DNAJC3: variants seen among roughly 807,000 people sequenced by gnomAD.
DNAJC3 encodes the protein DnaJ heat shock protein family (Hsp40) member C3, also known as dnaJ homolog subfamily C member 3.
In DNAJC3, 38 loss-of-function variants were observed where a neutral mutation model predicts 68.6. That is an observed-to-expected ratio of 0.55 (90% CI 0.43 to 0.73). DNAJC3 has a LOEUF of 0.73. Among genes scored for constraint, DNAJC3 ranks in the 30% least tolerant of loss-of-function variants. DNAJC3 has a pLI of 0.00. For missense variants in DNAJC3, 526 were observed against 591.9 expected (o/e 0.89, Z 1.16); for synonymous variants, 203 against 204.0 (o/e 1.00, Z 0.04).
intron 9 of DNAJC3, among the ~76,000 whole-genome samples, chr13:95,769,019 AT>A (rs748791987): frequency 7.0e-6 from 1 of 143,242 alleles, no homozygotes; most frequent in East Asian, 1.9e-4. Flanking sequence ...ATCTATATCT[AT>A]ATCTATATCT....
intron 6 of DNAJC3, 29 bp downstream of exon 6, chr13:95,760,250 C>A: frequency 6.8e-7 from 1 of 1,466,914 alleles, no homozygotes; most frequent in South Asian, 1.6e-5. Context: ...CATGTCTGAT[C>A]TTTTTTAATT....
At chr13:95,748,586 T>C (rs1439547523) in intron 4 of DNAJC3, among the ~76,000 whole-genome samples, 1 of 152,068 alleles carries the variant, frequency 6.6e-6, no homozygotes, top group Non-Finnish European at 1.5e-5. Context: ...GAGGTCAAGG[T>C]GGGCAGATCA....
At chr13:95,744,105 T>C (rs1041678510) in intron 4 of DNAJC3, among the ~76,000 whole-genome samples, 3 of 152,232 alleles carry the variant, frequency 2.0e-5, no homozygotes, top group African/African-American at 7.2e-5. Context: ...ATAGTAGGGA[T>C]GTCTCCATTT....
At chr13:95,694,587 A>G (rs993337195) in intron 1 of DNAJC3, 2 of 152,576 alleles carry the variant, frequency 1.3e-5, no homozygotes, top group Admixed American at 6.5e-5. Flanking sequence ...TATACATAAA[A>G]TACACCCACT....
intron 4 of DNAJC3, among the ~76,000 whole-genome samples, chr13:95,751,146 G>T (rs772099929): frequency 1.3e-5 from 2 of 152,130 alleles, no homozygotes; most frequent in Non-Finnish European, 2.9e-5. Context: ...GAGGCAGGAG[G>T]ATCACTTGAA....
intron 11 of DNAJC3, among the ~76,000 whole-genome samples, chr13:95,787,834 G>C (rs2289812): frequency 0.056 from 8,454 of 152,124 alleles, 353 homozygotes; most frequent in East Asian, 0.19. Flanking sequence ...CAGTAATATG[G>C]CCTGGAAATT....
chr13:95,755,772 A>T (rs1882639040), intron 4 of DNAJC3, among the ~76,000 whole-genome samples: 1 of 149,720 alleles, frequency 6.7e-6, no homozygotes. Flanking sequence ...AAAAAAAAAA[A>T]AAAAAAAAAA....
intron 4 of DNAJC3, among the ~76,000 whole-genome samples, chr13:95,743,644 G>GC (rs1882215911): frequency 6.6e-6 from 1 of 152,052 alleles, no homozygotes; most frequent in African/African-American, 2.4e-5. Flanking sequence ...TGCAACCTCT[G>GC]CCTCCTGGGT....
At chr13:95,729,736 T>G (rs531968008) in intron 4 of DNAJC3, among the ~76,000 whole-genome samples, 1 of 152,268 alleles carries the variant, frequency 6.6e-6, no homozygotes, top group South Asian at 2.1e-4. Flanking sequence ...TTGTTTTGAT[T>G]TGCATTTCCC....
At chr13:95,712,866 A>G (rs1881018257) in intron 2 of DNAJC3, among the ~76,000 whole-genome samples, 1 of 152,122 alleles carries the variant, frequency 6.6e-6, no homozygotes, top group African/African-American at 2.4e-5. Flanking sequence ...ACGGGGGAAA[A>G]TACAGTTTTA....
rs1485218979 is a variant in DNAJC3 at position 95,723,432 on chromosome 13, A to C, written c.318+66A>C. ...AACTTGGGGAGAGATAATTTGTTTCATAAGGTGAGGACTGGCATGCTAGAC... is the reference window on the plus strand; with the variant it reads ...AACTTGGGGAGAGATAATTTGTTTCCTAAGGTGAGGACTGGCATGCTAGAC... On this transcript the variant is annotated intron_variant, in intron 3 of 11. Coordinates refer to ENST00000602402, the MANE Select transcript of DNAJC3 (RefSeq NM_006260.5). 7 of 1,554,056 alleles carry C rather than the reference A, an allele frequency of 4.5e-6. No homozygotes were observed. In the African/African-American group the frequency reaches 9.5e-5, roughly 21 times the overall value.
intron 4 of DNAJC3, among the ~76,000 whole-genome samples, chr13:95,733,118 G>T (rs1399913057): frequency 2.0e-5 from 3 of 152,040 alleles, no homozygotes; most frequent in Admixed American, 2.0e-4. Context: ...CTGTTTTAGG[G>T]TAACATGTTC....
chr13:95,725,076 A>T (rs1881461639), intron 3 of DNAJC3, 102 bp from the exon 4 acceptor site: 1 of 721,840 alleles, frequency 1.4e-6, no homozygotes, highest in South Asian at 4.5e-5. Context: ...GGAAAAATAA[A>T]TATTTATTAA....
At chr13:95,765,567 G>GTTTTT (rs1024972959) in intron 9 of DNAJC3, among the ~76,000 whole-genome samples, 69 of 102,320 alleles carry the variant, frequency 6.7e-4, no homozygotes, top group African/African-American at 2.0e-3. Context: ...TAATTGATCT[G>GTTTTT]TTTTTTTTTT....
Position 95,787,540 on chromosome 13 carries a change from C to T in DNAJC3, c.1357+385C>T, listed in dbSNP as rs548457701. On this transcript the variant is annotated intron_variant, in intron 11 of 11. Coordinates refer to ENST00000602402, the MANE Select transcript of DNAJC3 (RefSeq NM_006260.5). ...TACAGGAGCTTGATGAGGAAACCAG[C>T]TTGCCAGGCTGGATTACATGGAGTG... 3.9e-5 allele frequency among the ~76,000 whole-genome samples: 6 copies of T among 152,314 alleles called. No individual in the cohort carries two copies. In the South Asian group the frequency reaches 1.0e-3, roughly 26 times the overall value.
intron 1 of DNAJC3, among the ~76,000 whole-genome samples, chr13:95,705,788 C>T (rs1454021422): frequency 2.0e-5 from 3 of 152,176 alleles, no homozygotes; most frequent in Admixed American, 1.3e-4. Flanking sequence ...GTTCTCCTGC[C>T]TTGGCCTCAC....
intron 4 of DNAJC3, among the ~76,000 whole-genome samples, chr13:95,741,279 A>T (rs1444847180): frequency 6.6e-6 from 1 of 152,024 alleles, no homozygotes; most frequent in Admixed American, 6.6e-5. Context: ...TTTGGCTTTG[A>T]TTCTTGGTGT....
Position 95,760,686 on chromosome 13 carries a change from C to A in DNAJC3, c.736C>A (p.Arg246=). 6.2e-7 allele frequency: 1 copy of A among 1,605,956 alleles called. No homozygotes were observed. The highest frequency in any genetic ancestry group is 1.1e-5 in the South Asian group (1 of 89,488). ...TTTTAAATACATGAACAGTGAAGTT[C>A]GGGAATGTCTTAAACTTGACCAGGA... is the stretch of plus-strand genomic sequence containing the variant. ...GDHELSLSEV[R]ECLKLDQDHK... The change falls in exon 7 of 12, where the codon CGG becomes AGG. Residue 246 remains arginine, a synonymous_variant. Transcript: ENST00000602402.
intron 1 of DNAJC3, among the ~76,000 whole-genome samples, chr13:95,680,289 T>G (rs1446375059): frequency 6.6e-6 from 1 of 152,206 alleles, no homozygotes; most frequent in Non-Finnish European, 1.5e-5. Context: ...TTTCTTTATT[T>G]CATTGAGCTG....
Sources: allele counts gnomAD v4.1 joint callset (sites outside exome capture counted in the v4.1 genomes callset), GRCh38; gene constraint gnomAD v4.1.1; transcripts MANE v1.5; gene names NCBI Gene and HGNC (gene_info 2026-07-23, HGNC 2026-07-21).